ZNF10: variants seen among roughly 807,000 people sequenced by gnomAD.
ZNF10 encodes the protein zinc finger protein 10 (KOX 1).
Under a neutral mutation model 12.2 loss-of-function variants are expected in ZNF10, and 8 were observed. The observed-to-expected ratio is 0.66, with a 90% CI of 0.39 to 1.18. The LOEUF (loss-of-function observed/expected upper bound fraction) is 1.18, where lower values mean the gene tolerates loss of function less well. Among genes scored for constraint, ZNF10 ranks in the 50% most tolerant of loss-of-function variants. The pLI, the probability that ZNF10 is intolerant of heterozygous loss-of-function variation, is 0.01. For synonymous variants in ZNF10, 229 were observed against 228.2 expected (o/e 1.00, Z -0.03); for missense variants, 603 against 678.9 (o/e 0.89, Z 1.24).
chr12:133,144,444 T>A lies in ZNF10; in HGVS notation c.-49T>A. ...CTTTCTTTTTCCCAGCTTTGTCTCC[T>A]CAGCACTCTGCTGTCACTCAAGGAA... On this transcript the variant is annotated 5_prime_UTR_variant, in exon 2 of 5. Coordinates refer to ENST00000248211, the MANE Select transcript of ZNF10 (RefSeq NM_015394.5). The A allele has an allele frequency of 6.2e-7, 1 of 1,600,208 alleles. No homozygotes were observed. Among genetic ancestry groups the A allele is most frequent in the East Asian group, 2.2e-5 (1 of 44,792 alleles).
At chr12:133,141,484 G>T (rs776327068) in intron 1 of ZNF10, among the ~76,000 whole-genome samples, 8 of 151,900 alleles carry the variant, frequency 5.3e-5, no homozygotes, top group Non-Finnish European at 1.2e-4. Flanking sequence ...TTGCTAAGAA[G>T]GTAAGTACAG....
At chr12:133,141,021 A>G (rs76364489) in intron 1 of ZNF10, among the ~76,000 whole-genome samples, 2,489 of 152,288 alleles carry the variant, frequency 0.016, 51 homozygotes, top group African/African-American at 0.056. Flanking sequence ...TGTTGTTCAC[A>G]TAGGGCTGAG....
chr12:133,134,367 A>G (rs774566104), intron 1 of ZNF10, among the ~76,000 whole-genome samples: 3 of 152,104 alleles, frequency 2.0e-5, no homozygotes, highest in Non-Finnish European at 2.9e-5. Flanking sequence ...AAATATAACC[A>G]TGAAAGAAAG....
rs11147258 is a variant in ZNF10 at position 133,155,655 on chromosome 12, G to A, written c.409G>A (p.Asp137Asn). ...EEVWKCRDQL[D>N]KYQENPERHL... ...AGTCTGGAAATGTAGAGACCAGTTA[G>A]ACAAGTATCAGGAAAACCCAGAGAG... Residue 137 changes from aspartate (D) to asparagine (N), a missense_variant, in exon 5 of 5, where the codon GAC (aspartate) becomes AAC (asparagine). Physicochemically the swap from Asp to Asn is conservative, Grantham distance 23 (BLOSUM62 1). Transcript: ENST00000248211. The A allele has an allele frequency of 6.2e-7, 1 of 1,613,934 alleles. No homozygotes were observed. The highest frequency in any genetic ancestry group is 1.3e-5 in the African/African-American group (1 of 75,040).
At chr12:133,131,482 A>T (rs954132230) in intron 1 of ZNF10, among the ~76,000 whole-genome samples, 6 of 144,018 alleles carry the variant, frequency 4.2e-5, no homozygotes, top group Non-Finnish European at 7.6e-5. Context: ...ACTGTTAATT[A>T]AAAAAAAAAA....
In ZNF10 at chr12:133,157,977, A is replaced by C. The variant is rs1247957365; in HGVS notation, c.*1009A>C. 6.6e-6 allele frequency: 1 copy of C among 152,250 alleles called. No individual in the cohort carries two copies. The highest frequency in any genetic ancestry group is 1.5e-5 in the Non-Finnish European group (1 of 68,046). 9.4% of individuals were successfully genotyped at this position (152,250 alleles called of 1,614,324 possible). A position where few individuals can be genotyped will look rare whatever the true frequency, so the allele number is the denominator to read the frequency against. On this transcript the variant is annotated 3_prime_UTR_variant, in exon 5 of 5. Transcript: ENST00000248211. ...AGTGTCCTCATGTGATAAACAGAGC[A>C]CAGTCCAAAGATACCCTCTTTCTCA...
rs1291452842 is a variant in ZNF10 at position 133,158,574 on chromosome 12, T to G, written c.*1606T>G. On this transcript the variant is annotated 3_prime_UTR_variant, in exon 5 of 5. Transcript: ENST00000248211. ...TGGTAAGTTAATAACCCACAAAAGA[T>G]TCAGGAAGAGGATCTATTTTAATTT... 6.6e-6 allele frequency: 1 copy of G among 152,202 alleles called. No homozygotes were observed. The highest frequency in any genetic ancestry group is 1.5e-5 in the Non-Finnish European group (1 of 68,040). 9.4% of individuals were successfully genotyped at this position (152,202 alleles called of 1,614,324 possible).
chr12:133,145,223 T>G (rs1259065291), intron 2 of ZNF10, among the ~76,000 whole-genome samples: 1 of 152,154 alleles, frequency 6.6e-6, no homozygotes, highest in Non-Finnish European at 1.5e-5. Flanking sequence ...GTAAGGGCAT[T>G]TTGAAAATAA....
In ZNF10 at chr12:133,148,860, C is replaced by CT. The variant is rs917393467; in HGVS notation, c.34-2167dup. Among the ~76,000 whole-genome samples the CT allele has an allele frequency of 1.2e-3, 170 of 147,406 alleles. 1 individual carries two copies. The highest frequency in any genetic ancestry group is 4.1e-3 in the African/African-American group (163 of 40,060). On this transcript the variant is annotated intron_variant, in intron 2 of 4. Coordinates refer to ENST00000248211, the MANE Select transcript of ZNF10 (RefSeq NM_015394.5). ...CTCTGCCTCCTGTGTTCAAGCGATT[C>CT]TCCTGCCTCAGCCTCCCGAGTAGCT...
At chr12:133,152,319 A>G (rs1956014155) in intron 4 of ZNF10, among the ~76,000 whole-genome samples, 1 of 152,064 alleles carries the variant, frequency 6.6e-6, no homozygotes, top group Non-Finnish European at 1.5e-5. Context: ...CCAGGTAGAA[A>G]ACTGCTGCAG....
intron 1 of ZNF10, among the ~76,000 whole-genome samples, chr12:133,140,375 A>G (rs1955938086): frequency 1.1e-5 from 1 of 94,188 alleles, no homozygotes; most frequent in South Asian, 3.1e-4. Flanking sequence ...TGAGGCCTCG[A>G]CTTTGGAAAA....
chr12:133,145,617 C>T (rs1443111205), intron 2 of ZNF10, among the ~76,000 whole-genome samples: 3 of 151,792 alleles, frequency 2.0e-5, no homozygotes, highest in East Asian at 1.9e-4. Flanking sequence ...GAGAACAGCA[C>T]GGCCAACATG....
At position 133,151,869 on chromosome 12, in the gene ZNF10, T is replaced by C; in HGVS notation, c.221T>C (p.Leu74Pro). The change falls in exon 4 of 5, where the codon CTG becomes CCG. Residue 74 changes from leucine to proline, a missense_variant. Transcript: ENST00000248211. Reference protein sequence around the residue: ...LRLEKGEEPWLVEREIHQETH... With the variant: ...LRLEKGEEPWPVEREIHQETH... ...TTGGAGAAGGGAGAAGAGCCCTGGC[T>C]GGTGGAGAGAGAAATTCACCAAGAG... The C allele has an allele frequency of 6.2e-7, 1 of 1,613,612 alleles. No homozygotes were observed. The highest frequency in any genetic ancestry group is 1.3e-5 in the African/African-American group (1 of 75,032).
chr12:133,150,404 A>G (rs1462888245), intron 2 of ZNF10, among the ~76,000 whole-genome samples: 1 of 152,106 alleles, frequency 6.6e-6, no homozygotes, highest in Non-Finnish European at 1.5e-5. Flanking sequence ...CTGTCTTCTG[A>G]CCTTTATGGT....
Position 133,151,164 on chromosome 12 carries a change from G to A in ZNF10, c.160+10G>A, listed in dbSNP as rs985359867. 1.2e-6 allele frequency: 2 copies of A among 1,606,972 alleles called. No individual in the cohort carries two copies. The highest frequency in any genetic ancestry group is 1.7e-6 in the Non-Finnish European group (2 of 1,175,788). On this transcript the variant is annotated intron_variant, in intron 3 of 4. Transcript: ENST00000248211. ...AACCTGGTTTCCTTGGGTAAGACTA[G>A]CTCTGTTTTTGAAGATTTTGGTTCT...
chr12:133,150,399 T>A (rs981544733), intron 2 of ZNF10, among the ~76,000 whole-genome samples: 1 of 152,240 alleles, frequency 6.6e-6, no homozygotes, highest in African/African-American at 2.4e-5. Context: ...TTCCACTGTC[T>A]TCTGACCTTT....
intron 2 of ZNF10, among the ~76,000 whole-genome samples, chr12:133,147,196 A>G (rs1261316625): frequency 6.6e-6 from 1 of 152,240 alleles, no homozygotes; most frequent in Non-Finnish European, 1.5e-5. Flanking sequence ...CCAATTATAA[A>G]TAAAGCCCTT....
In ZNF10 at chr12:133,151,091, A is replaced by G; in HGVS notation, c.97A>G (p.Thr33Ala). The G allele has an allele frequency of 2.5e-6, 4 of 1,613,972 alleles. No individual in the cohort carries two copies. Among genetic ancestry groups the G allele is most frequent in the South Asian group, 1.1e-5 (1 of 91,062 alleles). ...CAGGGAGGAGTGGAAGCTGCTGGAC[A>G]CTGCTCAGCAGATCGTGTACAGAAA... ...FTREEWKLLD[T>A]AQQIVYRNVM... Residue 33 changes from threonine to alanine, a missense_variant, in exon 3 of 5, where the codon ACT becomes GCT. By Grantham distance (58) the Thr-to-Ala change is moderately conservative. Around this residue, in one of 3 missense-constraint regions of ZNF10, gnomAD observed 393 missense variants for 399.7 expected, o/e 0.98. Transcript: ENST00000248211.
intron 1 of ZNF10, chr12:133,139,381 A>G (rs1408490273): frequency 3.3e-5 from 5 of 152,358 alleles, no homozygotes; most frequent in Middle Eastern, 6.8e-3. Flanking sequence ...CAAGTGGTTC[A>G]CCATAGTTAT....
Sources: allele counts gnomAD v4.1 joint callset (sites outside exome capture counted in the v4.1 genomes callset), GRCh38; gene constraint gnomAD v4.1.1; regional missense constraint gnomAD v4.1.1; transcripts MANE v1.5; gene names NCBI Gene and HGNC (gene_info 2026-07-23, HGNC 2026-07-21).